MZT2A: variants seen among roughly 807,000 people sequenced by gnomAD.
MZT2A encodes the protein mitotic spindle organizing protein 2A.
MZT2A carries 8 observed loss-of-function variants against 12.4 expected under a neutral mutation model. The observed-to-expected ratio is 0.64, with a 90% CI of 0.38 to 1.16. The LOEUF is 1.16. MZT2A is among the 50% of genes most tolerant of loss of function. MZT2A has a pLI of 0.01. For synonymous variants in MZT2A, 88 were observed against 107.5 expected, an observed-to-expected ratio of 0.82 and a Z score of 1.12; for missense variants, 181 against 223.6, an observed-to-expected ratio of 0.81 and a Z score of 1.22.
downstream of MZT2A, chr2:131,482,998 T>C (rs1678914059): frequency 2.9e-6 from 4 of 1,356,432 alleles, no homozygotes; most frequent in Non-Finnish European, 3.0e-6. Context: ...AGAGCCTGCA[T>C]GGACAGCGGT....
At chr2:131,474,676 C>T (rs1279812621) in intron 2 of MZT2A, among the ~76,000 whole-genome samples, 1 of 151,556 alleles carries the variant, frequency 6.6e-6, no homozygotes, top group African/African-American at 2.4e-5. Flanking sequence ...TCCCAAAGTG[C>T]TGGGATTACA....
At chr2:131,484,330 C>T (rs555471439) in intron 2 of MZT2A, 112 bp from the exon 3 acceptor site, 78 of 1,496,396 alleles carry the variant, frequency 5.2e-5, no homozygotes, top group African/African-American at 5.0e-4. Context: ...CCATCAAAGT[C>T]GCTTCAGCTA....
At chr2:131,473,937 G>C (rs1350860068) in intron 2 of MZT2A, among the ~76,000 whole-genome samples, 2 of 146,128 alleles carry the variant, frequency 1.4e-5, no homozygotes, top group African/African-American at 5.5e-5. Context: ...GAATTTATCA[G>C]GCCCAGAGAG....
upstream of MZT2A, chr2:131,492,420 CT>C (rs1307048749): frequency 1.2e-5 from 14 of 1,212,356 alleles, 1 homozygote; most frequent in African/African-American, 2.2e-4. Context: ...GCCGCGCCCC[CT>C]AGCGGATGCG....
At chr2:131,470,522 A>G (rs1704959576) in intron 3 of MZT2A, among the ~76,000 whole-genome samples, 1 of 152,004 alleles carries the variant, frequency 6.6e-6, no homozygotes, top group Non-Finnish European at 1.5e-5. Flanking sequence ...ACCCCAGCCA[A>G]ACATTCAATG....
chr2:131,491,641 C>T (rs968896154), intron 2 of MZT2A: 2 of 697,738 alleles, frequency 2.9e-6, no homozygotes, highest in East Asian at 2.8e-5. Flanking sequence ...GAGCCCTACC[C>T]AGCCTGGACC....
At chr2:131,484,301 C>T in intron 2 of MZT2A, 83 bp from the exon 3 acceptor site, 1 of 1,564,494 alleles carries the variant, frequency 6.4e-7, no homozygotes, top group Non-Finnish European at 8.7e-7. Flanking sequence ...CCTTGGGCAA[C>T]ATTTGTGTCT....
chr2:131,480,312 G>T (rs1678814662), downstream of MZT2A: 8 of 1,613,154 alleles, frequency 5.0e-6, no homozygotes, highest in Admixed American at 1.7e-5. Context: ...GGTCGACAAT[G>T]AAGCCATCTA....
intron 2 of MZT2A, among the ~76,000 whole-genome samples, chr2:131,477,484 G>A (rs1238480585): frequency 6.6e-6 from 1 of 152,088 alleles, no homozygotes; most frequent in Non-Finnish European, 1.5e-5. Flanking sequence ...CCTGCCAAAA[G>A]TGTGGCCTTG....
downstream of MZT2A, among the ~76,000 whole-genome samples, chr2:131,480,906 A>AT (rs201314369): frequency 0.018 from 2,714 of 150,262 alleles, 91 homozygotes; most frequent in African/African-American, 0.062. Context: ...TGATTCAGTG[A>AT]TTTCTTTTTT....
At chr2:131,476,770 C>T (rs918203953) in intron 2 of MZT2A, among the ~76,000 whole-genome samples, 4 of 151,790 alleles carry the variant, frequency 2.6e-5, no homozygotes, top group African/African-American at 9.7e-5. Context: ...CCAGTCTCTA[C>T]AAAAAAATAC....
chr2:131,476,033 C>G (rs7571932), intron 2 of MZT2A: 120,965 of 1,297,602 alleles, frequency 0.093, 9,480 homozygotes, highest in African/African-American at 0.41. Flanking sequence ...GAACTGGGAT[C>G]CGGCCCTCAG....
chr2:131,491,186 C>T (rs1249390339), intron 2 of MZT2A: 5 of 488,188 alleles, frequency 1.0e-5, no homozygotes, highest in South Asian at 2.0e-5. Flanking sequence ...TGAGCAGGGA[C>T]GGAGGCTCCA....
At chr2:131,472,933 C>T (rs1222236872) in intron 2 of MZT2A, among the ~76,000 whole-genome samples, 8 of 148,194 alleles carry the variant, frequency 5.4e-5, no homozygotes, top group South Asian at 2.1e-4. Context: ...CAATATTAGA[C>T]GCTGAAGCTC....
intron 2 of MZT2A, chr2:131,478,146 T>G (rs1195319273): frequency 3.7e-6 from 6 of 1,606,100 alleles, no homozygotes; most frequent in Non-Finnish European, 5.1e-6. Flanking sequence ...GGGTTCACTT[T>G]TATGTTCCTG....
rs60079614 is a variant in MZT2A at position 131,489,368 on chromosome 2, G to GTT, written c.319+2506_319+2507dup. On this transcript the variant is annotated intron_variant, in intron 2 of 2. Transcript: ENST00000309451. ...CGCCACCACCACGCCCACCTGGCTA[G>GTT]TTTTTTTTTTTTTTGAGATGGAGTC... 1.9e-4 allele frequency: 26 copies of GTT among 135,106 alleles called. 1 individual carries two copies. Among genetic ancestry groups the GTT allele is most frequent in the Non-Finnish European group, 3.3e-4 (21 of 62,956 alleles). The allele number at this position is 135,106 out of a possible 1,614,324, so 8.4% of individuals were successfully genotyped here.
At chr2:131,479,086 A>G (rs1811498), downstream of MZT2A, among the ~76,000 whole-genome samples, 5 of 152,386 alleles carry the variant, frequency 3.3e-5, no homozygotes, top group East Asian at 5.8e-4. Flanking sequence ...GCTGACATTT[A>G]TACAACAAGC....
chr2:131,493,122 G>A (rs1679419011), upstream of MZT2A: 6 of 1,485,562 alleles, frequency 4.0e-6, no homozygotes, highest in Non-Finnish European at 5.4e-6. Flanking sequence ...TGAAGCGGGC[G>A]ACGCTATGGG....
At chr2:131,481,325 G>T (rs1678856390), downstream of MZT2A, among the ~76,000 whole-genome samples, 3 of 151,930 alleles carry the variant, frequency 2.0e-5, no homozygotes, top group South Asian at 6.2e-4. Flanking sequence ...CTGTAGTATA[G>T]TAGTGTGATC....
Sources: allele counts gnomAD v4.1 joint callset (sites outside exome capture counted in the v4.1 genomes callset), GRCh38; gene constraint gnomAD v4.1.1; transcripts MANE v1.5; gene names NCBI Gene and HGNC (gene_info 2026-07-23, HGNC 2026-07-21).